MCC: variants seen among roughly 807,000 people sequenced by gnomAD.
MCC encodes MCC regulator of Wnt signaling pathway, also known as colorectal mutant cancer protein.
Under a neutral mutation model 116.2 loss-of-function variants are expected in MCC, and 90 were observed. The ratio of observed to expected loss-of-function variants is 0.77; its 90% CI spans 0.65 to 0.92. MCC has a LOEUF of 0.92. Ranked by LOEUF, MCC falls within the 40% of genes least tolerant of loss-of-function variation. The probability of loss-of-function intolerance (pLI) is 0.00; values close to 1 mark genes in which losing one functional copy is unlikely to be tolerated. For missense variants in MCC, 1,516 were observed against 1,312.2 expected (o/e 1.16, Z -2.40); for synonymous variants, 578 against 510.5 (o/e 1.13, Z -1.78).
intron 3 of MCC, among the ~76,000 whole-genome samples, chr5:113,250,104 G>T (rs573163616): frequency 3.3e-5 from 5 of 152,318 alleles, no homozygotes; most frequent in Admixed American, 6.5e-5. Context: ...GGCCAGCTTT[G>T]CTTCCCATAG....
chr5:113,235,882 A>G (rs750325335), intron 3 of MCC, among the ~76,000 whole-genome samples: 13 of 152,332 alleles, frequency 8.5e-5, no homozygotes, highest in Middle Eastern at 3.4e-3. Flanking sequence ...GTCTGAACAT[A>G]TATCTATTCT....
intron 8 of MCC, among the ~76,000 whole-genome samples, chr5:113,095,548 T>C (rs938337969): frequency 1.3e-5 from 2 of 152,194 alleles, no homozygotes; most frequent in African/African-American, 4.8e-5. Flanking sequence ...AGACAGGGCC[T>C]TGCTATTATT....
intron 1 of MCC, among the ~76,000 whole-genome samples, chr5:113,426,536 T>C (rs1709628406): frequency 6.6e-6 from 1 of 152,202 alleles, no homozygotes; most frequent in East Asian, 1.9e-4. Flanking sequence ...CTACTTTCTC[T>C]TTCTATGTTC....
chr5:113,139,304 G>T (rs1447965028), intron 5 of MCC, among the ~76,000 whole-genome samples: 2 of 152,212 alleles, frequency 1.3e-5, no homozygotes, highest in Middle Eastern at 3.4e-3. Context: ...AGAGTCCTTT[G>T]TTGAGCCTAG....
chr5:113,184,507 G>A (rs1761800681), intron 3 of MCC, among the ~76,000 whole-genome samples: 1 of 128,740 alleles, frequency 7.8e-6, no homozygotes, highest in Admixed American at 8.8e-5. Flanking sequence ...TGGAGACAGA[G>A]TCTTGTTCTG....
In MCC at chr5:113,053,766, G is replaced by A. The variant is rs371880857; in HGVS notation, c.2407C>T (p.Leu803=). 3.0e-5 allele frequency: 49 copies of A among 1,613,346 alleles called. No individual in the cohort carries two copies. Among genetic ancestry groups the A allele is most frequent in the Non-Finnish European group, 4.2e-5 (49 of 1,179,490 alleles). ...KPRGDSQRLD[L]ENAVLMQELM... ...TCCTGCATAAGCACTGCGTTTTCCA[G>A]ATCCAGCCTCTGGCTGTCTCCCCGA... The change falls in exon 15 of 19, where the codon CTG becomes TTG. Residue 803 remains leucine, a synonymous_variant. Transcript: ENST00000408903.
chr5:113,403,714 C>T (rs1157437174), intron 1 of MCC, among the ~76,000 whole-genome samples: 1 of 152,086 alleles, frequency 6.6e-6, no homozygotes, highest in African/African-American at 2.4e-5. Context: ...GCAGAGGGAG[C>T]GAGCTGTAAG....
chr5:113,114,464 C>G (rs1757279846), intron 6 of MCC, among the ~76,000 whole-genome samples: 2 of 152,194 alleles, frequency 1.3e-5, no homozygotes, highest in Non-Finnish European at 1.5e-5. Flanking sequence ...CAGAAAAGGG[C>G]AAGGTCCCTG....
intron 1 of MCC, among the ~76,000 whole-genome samples, chr5:113,389,029 A>T (rs1228514015): frequency 3.9e-5 from 6 of 152,250 alleles, no homozygotes; most frequent in Non-Finnish European, 7.3e-5. Flanking sequence ...CTTTTATATC[A>T]AACCAGAAAA....
At chr5:113,160,935 C>A (rs1760449106) in intron 3 of MCC, among the ~76,000 whole-genome samples, 1 of 151,974 alleles carries the variant, frequency 6.6e-6, no homozygotes, top group African/African-American at 2.4e-5. Context: ...TGCTTAAAGA[C>A]TACAGAAAAG....
intron 2 of MCC, among the ~76,000 whole-genome samples, chr5:113,346,623 AC>A (rs1768139838): frequency 3.0e-5 from 4 of 133,658 alleles, no homozygotes; most frequent in Non-Finnish European, 3.3e-5. Flanking sequence ...AACAACAACA[AC>A]AACAACAACA....
At chr5:113,191,213 A>G (rs1016306174) in intron 3 of MCC, among the ~76,000 whole-genome samples, 1 of 152,178 alleles carries the variant, frequency 6.6e-6, no homozygotes, top group African/African-American at 2.4e-5. Context: ...AGAAGTGGGA[A>G]AGGCTGGTCT....
intron 3 of MCC, among the ~76,000 whole-genome samples, chr5:113,240,688 C>T (rs1161907309): frequency 2.0e-5 from 3 of 152,144 alleles, no homozygotes; most frequent in African/African-American, 2.4e-5. Flanking sequence ...CAGGATTTCT[C>T]ATCTTTTTTC....
At chr5:113,175,158 G>A (rs974259451) in intron 3 of MCC, among the ~76,000 whole-genome samples, 1 of 152,152 alleles carries the variant, frequency 6.6e-6, no homozygotes, top group Non-Finnish European at 1.5e-5. Context: ...TTTGAAAGGA[G>A]AGGCTAATAA....
intron 3 of MCC, chr5:113,269,312 C>G (rs957553276): frequency 2.9e-5 from 13 of 447,320 alleles, no homozygotes; most frequent in Middle Eastern, 1.1e-3. Context: ...TTCAATGATA[C>G]CTTTTTCAAT....
intron 1 of MCC, among the ~76,000 whole-genome samples, chr5:113,480,828 T>A (rs1772359895): frequency 6.6e-6 from 1 of 152,152 alleles, no homozygotes; most frequent in Admixed American, 6.5e-5. Context: ...CCAGGCTGAG[T>A]GCAGTGGGTA....
intron 14 of MCC, among the ~76,000 whole-genome samples, chr5:113,057,698 A>G (rs1752927475): frequency 6.6e-6 from 1 of 152,264 alleles, no homozygotes; most frequent in Non-Finnish European, 1.5e-5. Flanking sequence ...GTCTGCCTGC[A>G]ACCTGCTCAG....
intron 11 of MCC, among the ~76,000 whole-genome samples, chr5:113,079,149 G>A (rs553609377): frequency 9.9e-5 from 15 of 152,176 alleles, no homozygotes; most frequent in African/African-American, 3.1e-4. Context: ...ACTGCTCAAC[G>A]AAATAGAAGA....
chr5:113,427,411 G>A lies in MCC; in HGVS notation c.171-42199C>T, dbSNP rs1376227066. 2.6e-5 allele frequency among the ~76,000 whole-genome samples: 4 copies of A among 152,172 alleles called. No homozygotes were observed. In the South Asian group the frequency reaches 6.2e-4, roughly 24 times the overall value. On this transcript the variant is annotated intron_variant, in intron 1 of 18. Transcript: ENST00000408903. ...CATGGAAGAAACATACTGTTGACTT[G>A]TAAGAAAATCAAGTTATTCAACTTA... is the stretch of plus-strand genomic sequence containing the variant.
Sources: gnomAD v4.1 joint callset for allele counts (sites outside exome capture counted in the v4.1 genomes callset) on GRCh38, gnomAD v4.1.1 for gene constraint, MANE v1.5 for transcripts, NCBI Gene and HGNC (gene_info 2026-07-23, HGNC 2026-07-21) for gene names.